CHLSN: variants seen among roughly 807,000 people sequenced by gnomAD.
CHLSN encodes the protein protein cholesin.
chr7:1,033,448 C>T, the CHLSN span, among the ~76,000 whole-genome samples: 4 of 151,914 alleles, frequency 2.6e-5, no homozygotes, highest in Admixed American at 1.3e-4. Context: ...ATCCCAGCTG[C>T]TCAGGAAGCT....
chr7:1,081,699 A>G, the CHLSN span, among the ~76,000 whole-genome samples: 1 of 149,548 alleles, frequency 6.7e-6, no homozygotes, highest in Non-Finnish European at 1.5e-5. Flanking sequence ...GACAAGGCGC[A>G]GCCTGGGGGA....
At chr7:1,091,730 T>C in the CHLSN span, 5 of 1,525,474 alleles carry the variant, frequency 3.3e-6, no homozygotes, top group East Asian at 4.5e-5. Context: ...TGCAGAGACA[T>C]GGATGTGACT....
the CHLSN span, chr7:988,562 G>A: frequency 6.3e-7 from 1 of 1,598,454 alleles, no homozygotes; most frequent in Non-Finnish European, 8.5e-7. Context: ...GTGCTCCCCT[G>A]GGGAGGTCCC....
chr7:1,057,794 G>A, the CHLSN span: 19,089 of 776,344 alleles, frequency 0.025, 377 homozygotes, highest in Non-Finnish European at 0.035. Flanking sequence ...CCCGGTGGGC[G>A]CTGTGGAGTG....
the CHLSN span, among the ~76,000 whole-genome samples, chr7:991,481 A>AGGGGGGGGGGGG: frequency 6.7e-6 from 1 of 148,516 alleles, no homozygotes; most frequent in Non-Finnish European, 1.5e-5. Context: ...TGGGGCGGGC[A>AGGGGGGGGGGGG]GGAGGGAAGG....
At chr7:1,043,872 C>A in the CHLSN span, 1 of 152,274 alleles carries the variant, frequency 6.6e-6, no homozygotes, top group Admixed American at 6.5e-5. Context: ...AACTGTGCAA[C>A]CCACATGCTT....
the CHLSN span, among the ~76,000 whole-genome samples, chr7:1,031,002 T>A: frequency 6.6e-6 from 1 of 151,886 alleles, no homozygotes; most frequent in African/African-American, 2.4e-5. Context: ...AAGGGTGGAG[T>A]GGCCAGGAGG....
At chr7:984,109 C>T in the CHLSN span, among the ~76,000 whole-genome samples, 2 of 152,346 alleles carry the variant, frequency 1.3e-5, no homozygotes, top group African/African-American at 4.8e-5. Context: ...CCCCAGCAGA[C>T]AGCCAGCCCC....
chr7:1,036,885 G>A, the CHLSN span, among the ~76,000 whole-genome samples: 2 of 148,328 alleles, frequency 1.3e-5, no homozygotes, highest in East Asian at 3.9e-4. Flanking sequence ...TGAGGCAGGA[G>A]TATCTCTTGA....
chr7:1,035,202 C>A, the CHLSN span, among the ~76,000 whole-genome samples: 1 of 148,498 alleles, frequency 6.7e-6, no homozygotes, highest in Non-Finnish European at 1.5e-5. Flanking sequence ...GTGAACAGTG[C>A]TGGGCTGGTG....
the CHLSN span, chr7:988,437 C>A: frequency 1.2e-6 from 2 of 1,611,698 alleles, no homozygotes; most frequent in Non-Finnish European, 1.7e-6. Context: ...CCCTCGGGGC[C>A]GGGGTGGGGC....
At chr7:1,057,472 C>T in the CHLSN span, 1 of 720,162 alleles carries the variant, frequency 1.4e-6, no homozygotes, top group East Asian at 2.5e-5. Context: ...GAGCTGACCA[C>T]CTGTTCCTTC....
At chr7:997,673 CA>C in the CHLSN span, 1 of 1,610,350 alleles carries the variant, frequency 6.2e-7, no homozygotes, top group South Asian at 1.1e-5. Flanking sequence ...CCCTCCCCGG[CA>C]GGGGGGGATC....
chr7:997,665 C>G, the CHLSN span: 2 of 1,609,946 alleles, frequency 1.2e-6, no homozygotes. Context: ...GCGCTGGGCC[C>G]TCCCCGGCAG....
chr7:999,429 A>AATCGGCTTGCAATAGGGCTTG, the CHLSN span, among the ~76,000 whole-genome samples: 1,212 of 151,836 alleles, frequency 8.0e-3, 16 homozygotes, highest in African/African-American at 0.028. Flanking sequence ...AATAGGGCTT[A>AATCGGCTTGCAATAGGGCTTG]CAATCGGCTT....
At chr7:1,017,068 G>T in the CHLSN span, among the ~76,000 whole-genome samples, 3 of 152,136 alleles carry the variant, frequency 2.0e-5, no homozygotes, top group Non-Finnish European at 2.9e-5. Context: ...GTCATTGAGG[G>T]TGTGGGGTCT....
the CHLSN span, among the ~76,000 whole-genome samples, chr7:1,088,652 T>G: frequency 6.6e-6 from 1 of 152,188 alleles, no homozygotes; most frequent in African/African-American, 2.4e-5. The surrounding 1 kb of genome is among the most constrained non-coding windows in gnomAD (Gnocchi z 4.5). Flanking sequence ...TGCCCTGCCC[T>G]GCGGTGCCCC....
chr7:1,046,102 A>G, the CHLSN span, among the ~76,000 whole-genome samples: 2 of 152,252 alleles, frequency 1.3e-5, no homozygotes, highest in East Asian at 3.8e-4. Flanking sequence ...AATCAATGGC[A>G]TACTGCACAG....
chr7:1,115,716 C>T, the CHLSN span, among the ~76,000 whole-genome samples: 1 of 114,162 alleles, frequency 8.8e-6, no homozygotes, highest in African/African-American at 3.3e-5. Flanking sequence ...TACAGCTCTA[C>T]GGACCGGCTT....
Sources: gnomAD v4.1 joint callset for allele counts (sites outside exome capture counted in the v4.1 genomes callset) on GRCh38, gnomAD v4.1.1 for gene constraint, Gnocchi (gnomAD v3.1) non-coding constraint, MANE v1.5 for transcripts, NCBI Gene and HGNC (gene_info 2026-07-23, HGNC 2026-07-21) for gene names.